The following COL3A1 variants were observed in gnomAD, a reference collection of about 807,000 sequenced individuals.
COL3A1 encodes the protein collagen alpha-1(III) chain.
In COL3A1, 46 loss-of-function variants were observed where a neutral mutation model predicts 200.9. The observed-to-expected ratio is 0.23, with a 90% confidence interval of 0.18 to 0.29. The LOEUF (loss-of-function observed/expected upper bound fraction) is 0.29, where lower values mean the gene tolerates loss of function less well. Ranked by LOEUF, COL3A1 falls within the 10% of genes least tolerant of loss-of-function variation. The probability of loss-of-function intolerance (pLI) is 1.00; values close to 1 mark genes in which losing one functional copy is unlikely to be tolerated. For missense variants in COL3A1, 1,367 were observed against 1,917.6 expected (o/e 0.71, Z 5.36); for synonymous variants, 650 against 628.0 (o/e 1.03, Z -0.52).
chr2:189,008,014 G>A, intron 46 of COL3A1, 21 bp from the exon 47 acceptor site: 2 of 1,613,920 alleles, frequency 1.2e-6, no homozygotes, highest in Non-Finnish European at 1.7e-6. Flanking sequence ...CTGGCATTGT[G>A]ATGTCATGAT....
intron 1 of COL3A1, among the ~76,000 whole-genome samples, chr2:188,974,950 G>A (rs1013745189): frequency 2.0e-5 from 3 of 152,078 alleles, no homozygotes; most frequent in African/African-American, 7.2e-5. Flanking sequence ...TTGTCTGCTG[G>A]ATTCTTTGTA....
chr2:189,005,649 A>G (rs548401005), intron 41 of COL3A1, 192 bp downstream of exon 41: 24 of 663,978 alleles, frequency 3.6e-5, no homozygotes, highest in Admixed American at 1.5e-4. Flanking sequence ...TATTTACCCA[A>G]TGAATAATCA....
At chr2:189,011,013 A>G (rs1471878513) in intron 50 of COL3A1, 123 bp downstream of exon 50, 28 of 1,245,752 alleles carry the variant, frequency 2.2e-5, no homozygotes, top group Non-Finnish European at 3.1e-5. Context: ...TTTGGTATGA[A>G]TTACATACAT....
chr2:188,994,383 A>G lies in COL3A1; in HGVS notation c.1293+51A>G. ...TGACTGAAAGGTATAGTTTAATTCC[A>G]TCAACAAAAAATTAATAGCAAAATT... On this transcript the variant is annotated intron_variant, in intron 18 of 50. Coordinates refer to ENST00000304636, the MANE Select transcript of COL3A1 (RefSeq NM_000090.4). The surrounding 1 kb of genome is among the most constrained non-coding windows in gnomAD (Gnocchi z 4.5). 1 of 1,607,278 alleles carries G rather than the reference A, an allele frequency of 6.2e-7. No homozygotes were observed. Among genetic ancestry groups the G allele is most frequent in the Non-Finnish European group, 8.5e-7 (1 of 1,174,652 alleles).
At chr2:188,974,805 G>A (rs1553505757) in intron 1 of COL3A1, among the ~76,000 whole-genome samples, 1 of 152,090 alleles carries the variant, frequency 6.6e-6, no homozygotes, top group Non-Finnish European at 1.5e-5. Context: ...GTACTAACTT[G>A]TTTTCATGTT....
At position 189,010,652 on chromosome 2, in the gene COL3A1, G is replaced by A. The variant is rs1321096255; in HGVS notation, c.4016G>A (p.Ser1339Asn). The change falls in exon 50 of 51, where the codon AGC becomes AAC. Residue 1339 changes from serine to asparagine, a missense_variant. Ser to Asn is a conservative substitution (Grantham distance 46). This residue lies in a region of COL3A1 where 846 missense variants were observed against 1,147.9 expected (regional missense o/e 0.74). Transcript: ENST00000304636. Reference protein sequence around the residue: ...GESMDGGFQFSYGNPELPEDV... With the variant: ...GESMDGGFQFNYGNPELPEDV... ...TTTATTTGTTCCCTATTACAGTTTA[G>A]CTACGGCAATCCTGAACTTCCTGAA... is the stretch of plus-strand genomic sequence containing the variant. The A allele has an allele frequency of 6.2e-7, 1 of 1,614,118 alleles. No homozygotes were observed. Among genetic ancestry groups the A allele is most frequent in the African/African-American group, 1.3e-5 (1 of 75,042 alleles).
At position 189,007,774 on chromosome 2, in the gene COL3A1, A is replaced by T. The variant is rs1310396690; in HGVS notation, c.3364-111A>T. On this transcript the variant is annotated intron_variant, in intron 45 of 50. Coordinates refer to ENST00000304636, the MANE Select transcript of COL3A1 (RefSeq NM_000090.4). ...CATGACACAATGGGAAGATTAAAGA[A>T]AGAAAAAAAATTTCATCATGATCCC... 4 of 1,428,492 alleles carry T rather than the reference A, an allele frequency of 2.8e-6. No homozygotes were observed. The Admixed American group carries it at 6.8e-5, about 24-fold the overall frequency. The allele number at this position is 1,428,492 out of a possible 1,614,324, so 88.5% of individuals were successfully genotyped here.
chr2:189,011,529 T>C, intron 50 of COL3A1, 99 bp from the exon 51 acceptor site: 12 of 1,376,896 alleles, frequency 8.7e-6, no homozygotes, highest in Non-Finnish European at 1.2e-5. Context: ...GCACGATGAA[T>C]GCTTCTTTAG....
intron 10 of COL3A1, among the ~76,000 whole-genome samples, chr2:188,990,769 T>C (rs1265496624): frequency 3.9e-5 from 6 of 152,208 alleles, no homozygotes; most frequent in Non-Finnish European, 7.3e-5. Flanking sequence ...TTTGCTACTC[T>C]ATAGTTAAGG....
At chr2:189,008,265 G>A in intron 47 of COL3A1, 123 bp downstream of exon 47, 1 of 826,642 alleles carries the variant, frequency 1.2e-6, no homozygotes, top group Non-Finnish European at 2.0e-6. Flanking sequence ...TTTAGAAACT[G>A]AACAATGACT....
intron 27 of COL3A1, among the ~76,000 whole-genome samples, 160 bp from the exon 28 acceptor site, chr2:188,998,106 C>T (rs2153502887): frequency 6.6e-6 from 1 of 152,294 alleles, no homozygotes; most frequent in East Asian, 1.9e-4. Flanking sequence ...ATATGATTAT[C>T]ACGTATGTGT....
intron 16 of COL3A1, among the ~76,000 whole-genome samples, chr2:188,993,756 G>C (rs933263215): frequency 6.6e-6 from 1 of 152,078 alleles, no homozygotes; most frequent in African/African-American, 2.4e-5. Flanking sequence ...TGTGCCCCAA[G>C]CTAATCACCA....
In COL3A1 at chr2:188,992,190, C is replaced by G; in HGVS notation, c.958C>G (p.Arg320Gly). The G allele has an allele frequency of 1.2e-6, 2 of 1,613,794 alleles. No homozygotes were observed. Among genetic ancestry groups the G allele is most frequent in the Non-Finnish European group, 1.7e-6 (2 of 1,179,906 alleles). Reference protein sequence around the residue: ...RPGLPGAAGARGNDGARGSDG... With the variant: ...RPGLPGAAGAGGNDGARGSDG... Reference sequence around the variant, plus strand: ...TGTAAACTTCTCTTTTTAGGGTGCTCGGGGTAATGACGGTGCTCGAGGCAG... The same window carrying G: ...TGTAAACTTCTCTTTTTAGGGTGCTGGGGGTAATGACGGTGCTCGAGGCAG... The change falls in exon 14 of 51, where the codon CGG becomes GGG. Residue 320 changes from arginine (R) to glycine (G), a missense_variant. Physicochemically the swap from Arg to Gly is moderately radical, Grantham distance 125 (BLOSUM62 -2). Transcript: ENST00000304636.
Position 188,997,757 on chromosome 2 carries a change from A to G in COL3A1, c.1923+4A>G. 6.2e-7 allele frequency: 1 copy of G among 1,613,542 alleles called. No individual in the cohort carries two copies. The highest frequency in any genetic ancestry group is 8.5e-7 in the Non-Finnish European group (1 of 1,179,486). On this transcript the variant is annotated splice_donor_region_variant and intron_variant, in intron 27 of 50. Coordinates refer to ENST00000304636, the MANE Select transcript of COL3A1 (RefSeq NM_000090.4). ...CCCTGGTCCACAAGGATTACAAGTA[A>G]GAACTTGTTATTTAAATGTCACGGC...
At chr2:188,999,997 T>A in intron 32 of COL3A1, 102 bp downstream of exon 32, 1 of 1,210,130 alleles carries the variant, frequency 8.3e-7, no homozygotes, top group Non-Finnish European at 1.2e-6. Flanking sequence ...CAAGAGAAAT[T>A]AGATATTTTA....
rs990507841 is a variant in COL3A1, at chr2:189,003,916, G to T, written c.2662-66G>T. The T allele has an allele frequency of 2.2e-5, 34 of 1,567,638 alleles. No individual in the cohort carries two copies. In the South Asian group the frequency reaches 2.2e-4, roughly 10 times the overall value. On this transcript the variant is annotated intron_variant, in intron 38 of 50. Transcript: ENST00000304636. ...TCTCAAATAAAATTATTTGAAGTAA[G>T]TAAAAAAAGAAAGAAAAAATGCACT...
intron 7 of COL3A1, 69 bp from the exon 8 acceptor site, chr2:188,989,327 C>T (rs1270490361): frequency 7.8e-6 from 9 of 1,147,448 alleles, no homozygotes; most frequent in Non-Finnish European, 1.1e-5. Flanking sequence ...GGAATACATA[C>T]ACTGTGTAAT....
chr2:188,994,416 T>C lies in COL3A1; in HGVS notation c.1293+84T>C. 2 of 1,582,948 alleles carry C rather than the reference T, an allele frequency of 1.3e-6. No homozygotes were observed. Among genetic ancestry groups the C allele is most frequent in the African/African-American group, 1.3e-5 (1 of 74,366 alleles). On this transcript the variant is annotated intron_variant, in intron 18 of 50. Transcript: ENST00000304636. This position sits in a 1 kb window ranked among gnomAD's most constrained non-coding sequence, Gnocchi z 4.5. ...AAAATTAATAGCAAAATTTTGCTCC[T>C]GTTCAGTTGAATTTATATTGACTTC...
intron 3 of COL3A1, 112 bp downstream of exon 3, chr2:188,985,359 T>G (rs1688043743): frequency 1.2e-6 from 1 of 860,504 alleles, no homozygotes; most frequent in South Asian, 1.4e-5. Flanking sequence ...TACCACATAT[T>G]TGAATAATGG....
Sources: gnomAD v4.1 joint callset for allele counts (sites outside exome capture counted in the v4.1 genomes callset) on GRCh38, gnomAD v4.1.1 for gene constraint, gnomAD v4.1.1 regional missense constraint, Gnocchi (gnomAD v3.1) non-coding constraint, MANE v1.5 for transcripts, NCBI Gene and HGNC (gene_info 2026-07-23, HGNC 2026-07-21) for gene names.